Variants in PITPNM2 observed in about 807,000 individuals in gnomAD.
PITPNM2 encodes the protein membrane-associated phosphatidylinositol transfer protein 2.
PITPNM2 carries 35 observed loss-of-function variants against 132.2 expected under a neutral mutation model. That is an observed-to-expected ratio of 0.26 (90% CI 0.20 to 0.35). The LOEUF (loss-of-function observed/expected upper bound fraction) is 0.35, where lower values mean the gene tolerates loss of function less well. PITPNM2 is among the 10% of genes least tolerant of loss of function. The pLI is 1.00. For missense variants in PITPNM2, 1,332 were observed against 1,912.0 expected (o/e 0.70, Z 5.66); for synonymous variants, 738 against 799.2 (o/e 0.92, Z 1.29).
At chr12:123,076,667 C>A (rs2136959770) in intron 2 of PITPNM2, among the ~76,000 whole-genome samples, 1 of 152,354 alleles carries the variant, frequency 6.6e-6, no homozygotes, top group Non-Finnish European at 1.5e-5. Context: ...CTGCAGTCAG[C>A]CCTCCAAGTT....
chr12:123,129,926 A>T (rs1301627667), intron 1 of PITPNM2, among the ~76,000 whole-genome samples: 1 of 149,160 alleles, frequency 6.7e-6, no homozygotes, highest in African/African-American at 2.5e-5. Context: ...TTTTTTTGAG[A>T]TGAGGTCTTG....
chr12:123,146,676 C>G (rs1309745118), intron 1 of PITPNM2, among the ~76,000 whole-genome samples: 1 of 151,324 alleles, frequency 6.6e-6, no homozygotes, highest in Non-Finnish European at 1.5e-5. Flanking sequence ...CCCCTCCTAA[C>G]AGCACTCGTC....
intron 1 of PITPNM2, among the ~76,000 whole-genome samples, chr12:123,116,884 T>A (rs1379758793): frequency 6.6e-6 from 1 of 152,176 alleles, no homozygotes. Flanking sequence ...AGCCACCTTG[T>A]CAATGGGTCC....
intron 2 of PITPNM2, among the ~76,000 whole-genome samples, chr12:123,080,281 TG>T (rs2041919064): frequency 1.3e-5 from 2 of 152,114 alleles, no homozygotes; most frequent in African/African-American, 4.8e-5. Flanking sequence ...TGCAGTGGTG[TG>T]ATTATAGCTT....
chr12:123,066,038 G>C (rs2041400869), intron 2 of PITPNM2, among the ~76,000 whole-genome samples: 1 of 152,256 alleles, frequency 6.6e-6, no homozygotes, highest in South Asian at 2.1e-4. Context: ...AGCCCTGTAT[G>C]CGTTTGTGTG....
At chr12:123,013,746 C>A in intron 4 of PITPNM2, 82 bp downstream of exon 4, 1 of 1,444,006 alleles carries the variant, frequency 6.9e-7, no homozygotes, top group Non-Finnish European at 9.5e-7. Context: ...CTGATCCCAT[C>A]CCCTGGATCT....
At chr12:123,143,009 T>G (rs1215054439) in intron 1 of PITPNM2, among the ~76,000 whole-genome samples, 2 of 152,172 alleles carry the variant, frequency 1.3e-5, no homozygotes, top group East Asian at 3.8e-4. Flanking sequence ...CAAGCCAGTG[T>G]TAAGCACGCA....
Position 123,106,077 on chromosome 12 carries a change from C to T in PITPNM2, c.-96+4308G>A, listed in dbSNP as rs911888676. On this transcript the variant is annotated intron_variant, in intron 2 of 25. Transcript: ENST00000320201. This position sits in a 1 kb window ranked among gnomAD's most constrained non-coding sequence, Gnocchi z 4.4. ...AACCTCAACAAGTGACCAAAAGCAT[C>T]GCCCAGAAACAATCGTCTTGCCACA... is the stretch of plus-strand genomic sequence containing the variant. 3.3e-5 allele frequency among the ~76,000 whole-genome samples: 5 copies of T among 152,190 alleles called. No individual in the cohort carries two copies. The highest frequency in any genetic ancestry group is 1.3e-4 in the Admixed American group (2 of 15,282).
In PITPNM2 at chr12:123,108,283, G is replaced by C. The variant is rs531850726; in HGVS notation, c.-96+2102C>G. Among the ~76,000 whole-genome samples the C allele has an allele frequency of 6.6e-6, 1 of 152,274 alleles. No individual in the cohort carries two copies. The highest frequency in any genetic ancestry group is 3.4e-3 in the Middle Eastern group (1 of 294). ...ATTTTAGGTCTAAGTGAAGACCTTC[G>C]GATGAGGTGAGCTGCAAGGCCATGG... On this transcript the variant is annotated intron_variant, in intron 2 of 25. Coordinates refer to ENST00000320201, the MANE Select transcript of PITPNM2 (RefSeq NM_020845.3). This position sits in a 1 kb window ranked among gnomAD's most constrained non-coding sequence, Gnocchi z 4.4.
At position 122,986,181 on chromosome 12, in the gene PITPNM2, G is replaced by A; in HGVS notation, c.3896C>T (p.Ala1299Val). ...SRNHLLRTIS[A>V]QPSGPSHRHE... Reference sequence around the variant, plus strand: ...CCGGTGGCTGGGCCCGCTGGGCTGGGCCGAGATGGTGCGAAGCAGGTGGTT... The same window carrying A: ...CCGGTGGCTGGGCCCGCTGGGCTGGACCGAGATGGTGCGAAGCAGGTGGTT... The change falls in exon 26 of 26, where the codon GCC becomes GTC. Residue 1299 changes from alanine to valine, a missense_variant. Ala to Val is a moderately conservative substitution (Grantham distance 64). This residue lies in a region of PITPNM2 where 163 missense variants were observed against 177.2 expected (regional missense o/e 0.92). Coordinates refer to ENST00000320201, the MANE Select transcript of PITPNM2 (RefSeq NM_020845.3). 6.5e-7 allele frequency: 1 copy of A among 1,547,080 alleles called. No individual in the cohort carries two copies.
In PITPNM2 at chr12:122,986,245, A is replaced by T; in HGVS notation, c.3832T>A (p.Phe1278Ile). The change falls in exon 26 of 26, where the codon TTC becomes ATC. Residue 1278 changes from phenylalanine (F) to isoleucine (I), a missense_variant. By Grantham distance (21) the Phe-to-Ile change is conservative. Around this residue, in one of 6 missense-constraint regions of PITPNM2, gnomAD observed 163 missense variants for 177.2 expected, o/e 0.92. Transcript: ENST00000320201. ...AAGTCGCCCTGGCCGGGCAGGCCGA[A>T]GCTGCCCTTGCGCAGCGCCATGCGG... ...ATRMALRKGS[F>I]GLPGQGDFLR... The T allele has an allele frequency of 6.3e-7, 1 of 1,578,276 alleles. No individual in the cohort carries two copies. The highest frequency in any genetic ancestry group is 8.6e-7 in the Non-Finnish European group (1 of 1,166,932).
intron 1 of PITPNM2, among the ~76,000 whole-genome samples, chr12:123,120,371 G>A (rs2043011920): frequency 6.6e-6 from 1 of 152,176 alleles, no homozygotes; most frequent in Non-Finnish European, 1.5e-5. Flanking sequence ...AGGTTGGCTG[G>A]GAGGCACTGG....
chr12:122,998,594 T>A (rs2038526850), intron 10 of PITPNM2, among the ~76,000 whole-genome samples: 1 of 152,136 alleles, frequency 6.6e-6, no homozygotes, highest in African/African-American at 2.4e-5. Context: ...GTACTTGCTG[T>A]GTCCATATGA....
Position 123,064,470 on chromosome 12 carries a change from G to A in PITPNM2, c.-95-29785C>T, listed in dbSNP as rs964014386. ...GTGGCACAGGGCAGGGGAGCTGAGGGGAGTAGGGAACCAAGACATCTTTCA... is the reference window on the plus strand; with the variant it reads ...GTGGCACAGGGCAGGGGAGCTGAGGAGAGTAGGGAACCAAGACATCTTTCA... On this transcript the variant is annotated intron_variant, in intron 2 of 25. Coordinates refer to ENST00000320201, the MANE Select transcript of PITPNM2 (RefSeq NM_020845.3). The surrounding 1 kb of genome is among the most constrained non-coding windows in gnomAD (Gnocchi z 4.0). 6.6e-6 allele frequency among the ~76,000 whole-genome samples: 1 copy of A among 152,218 alleles called. No individual in the cohort carries two copies. Among genetic ancestry groups the A allele is most frequent in the Non-Finnish European group, 1.5e-5 (1 of 68,026 alleles).
In PITPNM2 at chr12:123,011,183, G is replaced by A. The variant is rs1039964502; in HGVS notation, c.416-1106C>T. ...GCTCACAGAACCCTTTTTTGCGGTC[G>A]GTTCTGCTCTAGCCAGGCCCTTGGC... On this transcript the variant is annotated intron_variant, in intron 5 of 25. Coordinates refer to ENST00000320201, the MANE Select transcript of PITPNM2 (RefSeq NM_020845.3). 5.3e-5 allele frequency among the ~76,000 whole-genome samples: 8 copies of A among 152,294 alleles called. 1 individual carries two copies. Among genetic ancestry groups the A allele is most frequent in the Non-Finnish European group, 1.0e-4 (7 of 68,006 alleles).
chr12:123,046,263 T>C (rs1397888299), intron 2 of PITPNM2, among the ~76,000 whole-genome samples: 1 of 151,778 alleles, frequency 6.6e-6, no homozygotes, highest in Admixed American at 6.6e-5. Flanking sequence ...AGACCCCACA[T>C]CCCAACAGCC....
intron 2 of PITPNM2, among the ~76,000 whole-genome samples, chr12:123,085,915 GGATGCCCTGTCTCCCTGGCGGCCAGCCA>G (rs1423495469): frequency 6.6e-6 from 1 of 152,240 alleles, no homozygotes; most frequent in African/African-American, 2.4e-5. Context: ...GACTAAGCCA[GGATGCCCTGTCTCCCTGGCGGCCAGCCA>G]GATGCCACAG....
Position 123,009,772 on chromosome 12 carries a change from G to A in PITPNM2, c.643+78C>T. ...ACTCCCAGGCAGACATGCAAAGAGA[G>A]GAGGCAGACAGGCAGGTGACAGGAG... On this transcript the variant is annotated intron_variant, in intron 6 of 25. Transcript: ENST00000320201. This position sits in a 1 kb window ranked among gnomAD's most constrained non-coding sequence, Gnocchi z 4.8. The A allele has an allele frequency of 1.5e-6, 2 of 1,330,170 alleles. No individual in the cohort carries two copies. The allele number at this position is 1,330,170 out of a possible 1,614,324, so 82.4% of individuals were successfully genotyped here.
At chr12:123,123,871 G>T (rs958934395) in intron 1 of PITPNM2, among the ~76,000 whole-genome samples, 1 of 151,504 alleles carries the variant, frequency 6.6e-6, no homozygotes, top group African/African-American at 2.4e-5. Flanking sequence ...AGGAGGCAGA[G>T]GTTGTAGTGA....
Sources: gnomAD v4.1 joint callset for allele counts (sites outside exome capture counted in the v4.1 genomes callset) on GRCh38, gnomAD v4.1.1 for gene constraint, gnomAD v4.1.1 regional missense constraint, Gnocchi (gnomAD v3.1) non-coding constraint, MANE v1.5 for transcripts, NCBI Gene and HGNC (gene_info 2026-07-23, HGNC 2026-07-21) for gene names.